LRRC4C: variants seen among roughly 807,000 people sequenced by gnomAD.
LRRC4C encodes the protein leucine rich repeat containing 4C.
A neutral mutation model predicts 33.6 loss-of-function variants in LRRC4C; 5 were observed. The ratio of observed to expected loss-of-function variants is 0.15; its 90% confidence interval spans 0.08 to 0.31. LRRC4C has a LOEUF of 0.31. Among genes scored for constraint, LRRC4C ranks in the 10% least tolerant of loss-of-function variants. The probability of loss-of-function intolerance (pLI) is 1.00; values close to 1 mark genes in which losing one functional copy is unlikely to be tolerated. For missense variants in LRRC4C, 560 were observed against 796.7 expected, an observed-to-expected ratio of 0.70 and a Z score of 3.58; for synonymous variants, 329 against 302.0, an observed-to-expected ratio of 1.09 and a Z score of -0.93.
intron 2 of LRRC4C, among the ~76,000 whole-genome samples, chr11:40,746,676 C>T (rs372983811): frequency 8.5e-5 from 13 of 152,250 alleles, no homozygotes; most frequent in African/African-American, 3.1e-4. Context: ...GCTATGTATG[C>T]TCCATCCCAG....
chr11:40,545,402 G>GT (rs1180344366), intron 3 of LRRC4C, among the ~76,000 whole-genome samples: 4 of 151,752 alleles, frequency 2.6e-5, no homozygotes, highest in Non-Finnish European at 4.4e-5. Flanking sequence ...TGAAAGAGTG[G>GT]TTTTTTACAG....
At chr11:40,658,555 G>C (rs1257476875) in intron 2 of LRRC4C, among the ~76,000 whole-genome samples, 4 of 152,106 alleles carry the variant, frequency 2.6e-5, no homozygotes, top group Admixed American at 6.5e-5. Flanking sequence ...AGTTTTTAAG[G>C]GTTTTGGAAT....
intron 4 of LRRC4C, among the ~76,000 whole-genome samples, chr11:40,299,037 T>A (rs1944647834): frequency 6.6e-6 from 1 of 152,158 alleles, no homozygotes; most frequent in Non-Finnish European, 1.5e-5. Flanking sequence ...ACTGCAAAGT[T>A]GTATAAAACG....
intron 2 of LRRC4C, among the ~76,000 whole-genome samples, chr11:40,664,861 G>T (rs995438557): frequency 6.6e-6 from 1 of 151,770 alleles, no homozygotes; most frequent in African/African-American, 2.4e-5. Flanking sequence ...TGCCATGTTG[G>T]TGTGCTGCAC....
intron 1 of LRRC4C, among the ~76,000 whole-genome samples, chr11:41,169,769 T>C (rs1407807428): frequency 2.0e-5 from 3 of 152,148 alleles, no homozygotes; most frequent in Non-Finnish European, 2.9e-5. Flanking sequence ...TTTATTACGT[T>C]TGTTCTGTGA....
intron 1 of LRRC4C, among the ~76,000 whole-genome samples, chr11:41,199,010 G>A (rs16935435): frequency 0.016 from 2,490 of 152,148 alleles, 60 homozygotes; most frequent in African/African-American, 0.056. Context: ...GCCTTGATAA[G>A]TTCACTCAAC....
At chr11:40,463,470 T>C (rs1262516235) in intron 3 of LRRC4C, among the ~76,000 whole-genome samples, 2 of 152,012 alleles carry the variant, frequency 1.3e-5, no homozygotes, top group African/African-American at 4.8e-5. Flanking sequence ...AAAGTGGTCT[T>C]CTCAAAATTG....
intron 2 of LRRC4C, among the ~76,000 whole-genome samples, chr11:40,927,386 A>T (rs559961026): frequency 2.2e-4 from 33 of 152,068 alleles, no homozygotes; most frequent in Middle Eastern, 3.4e-3. Context: ...TAAAAAAATT[A>T]AAAAAAGGAA....
chr11:40,569,034 C>G (rs1957872178), intron 3 of LRRC4C, among the ~76,000 whole-genome samples: 1 of 152,076 alleles, frequency 6.6e-6, no homozygotes, highest in East Asian at 1.9e-4. Context: ...TTCTGAGCAC[C>G]AAACGCAGTA....
intron 2 of LRRC4C, among the ~76,000 whole-genome samples, chr11:40,882,420 G>A (rs891293160): frequency 4.6e-5 from 7 of 152,052 alleles, no homozygotes; most frequent in African/African-American, 1.4e-4. Context: ...CACTACCTAC[G>A]GCCTGTGGGA....
At chr11:40,331,927 G>C (rs1200912835) in intron 3 of LRRC4C, among the ~76,000 whole-genome samples, 1 of 152,054 alleles carries the variant, frequency 6.6e-6, no homozygotes, top group Admixed American at 6.6e-5. Flanking sequence ...CTGCGTACAT[G>C]TTCATTTATA....
chr11:40,973,727 T>C (rs1295500733), intron 1 of LRRC4C, among the ~76,000 whole-genome samples: 1 of 152,232 alleles, frequency 6.6e-6, no homozygotes, highest in East Asian at 1.9e-4. Flanking sequence ...AATCAGCTAA[T>C]TGAGCAAAGA....
At chr11:41,456,057 T>A (rs540628990) in intron 1 of LRRC4C, among the ~76,000 whole-genome samples, 1 of 152,296 alleles carries the variant, frequency 6.6e-6, no homozygotes, top group Non-Finnish European at 1.5e-5. Context: ...TTGTAATTTA[T>A]TGGGGTCCCT....
rs918446159 is a variant in LRRC4C, at chr11:40,785,541, T to G, written c.-406-137263A>C. ...TTTTATAATGTGCAATTCAAAATGT[T>G]TTCTTGTCACTGTACAATTTAGAGA... On this transcript the variant is annotated intron_variant, in intron 2 of 6. Transcript: ENST00000528697. 3.3e-5 allele frequency among the ~76,000 whole-genome samples: 5 copies of G among 152,168 alleles called. No homozygotes were observed. In the East Asian group the frequency reaches 9.6e-4, roughly 29 times the overall value.
At chr11:40,990,404 A>G (rs1853452925) in intron 1 of LRRC4C, among the ~76,000 whole-genome samples, 1 of 151,576 alleles carries the variant, frequency 6.6e-6, no homozygotes, top group Non-Finnish European at 1.5e-5. Context: ...CATTTTATAT[A>G]TGAGGAAATA....
chr11:41,351,027 T>C (rs1246965607), intron 1 of LRRC4C, among the ~76,000 whole-genome samples: 1 of 152,074 alleles, frequency 6.6e-6, no homozygotes, highest in Non-Finnish European at 1.5e-5. Flanking sequence ...CTCAGGAGTT[T>C]GAGATCAGCC....
At chr11:41,256,845 C>T (rs1216506244) in intron 1 of LRRC4C, among the ~76,000 whole-genome samples, 1 of 151,968 alleles carries the variant, frequency 6.6e-6, no homozygotes, top group Non-Finnish European at 1.5e-5. Flanking sequence ...TCAAGAGTGA[C>T]TTCTAATGGT....
intron 4 of LRRC4C, among the ~76,000 whole-genome samples, chr11:40,268,952 C>T (rs879605893): frequency 7.2e-5 from 11 of 152,128 alleles, no homozygotes; most frequent in South Asian, 2.1e-4. Context: ...CTATTGTTTT[C>T]GCCCTGTTTA....
intron 3 of LRRC4C, among the ~76,000 whole-genome samples, chr11:40,473,771 C>A (rs1358408133): frequency 1.3e-5 from 2 of 152,158 alleles, no homozygotes; most frequent in African/African-American, 2.4e-5. Flanking sequence ...GATGCAAAAT[C>A]AATGGACAAA....
Sources: gnomAD v4.1 joint callset for allele counts (sites outside exome capture counted in the v4.1 genomes callset) on GRCh38, gnomAD v4.1.1 for gene constraint, MANE v1.5 for transcripts, NCBI Gene and HGNC (gene_info 2026-07-23, HGNC 2026-07-21) for gene names.